The following PIK3C2G variants were observed in gnomAD, a reference collection of about 807,000 sequenced individuals.
The protein encoded by PIK3C2G is phosphatidylinositol 3-kinase C2 domain-containing subunit gamma.
Under a neutral mutation model 181.1 loss-of-function variants are expected in PIK3C2G, and 168 were observed. The observed-to-expected ratio is 0.93, with a 90% CI of 0.82 to 1.05. PIK3C2G has a LOEUF of 1.05. Ranked by LOEUF, PIK3C2G falls within the 50% of genes least tolerant of loss-of-function variation. The probability of loss-of-function intolerance (pLI) is 0.00; values close to 1 mark genes in which losing one functional copy is unlikely to be tolerated. For synonymous variants in PIK3C2G, 573 were observed against 592.2 expected (o/e 0.97, Z 0.47); for missense variants, 1,869 against 1,732.8 (o/e 1.08, Z -1.40).
upstream of PIK3C2G, among the ~76,000 whole-genome samples, chr12:18,243,795 G>C (rs746191132): frequency 1.3e-5 from 2 of 151,832 alleles, no homozygotes; most frequent in African/African-American, 4.8e-5. Flanking sequence ...CACTGGATTT[G>C]CTACTTTAAT....
chr12:18,595,766 T>A (rs1268146889), intron 30 of PIK3C2G, among the ~76,000 whole-genome samples: 4 of 152,120 alleles, frequency 2.6e-5, no homozygotes, highest in Non-Finnish European at 5.9e-5. Context: ...TGCCACTGTC[T>A]TGAAATTCTT....
At chr12:18,405,975 T>C (rs55920514) in intron 16 of PIK3C2G, among the ~76,000 whole-genome samples, 16,454 of 152,070 alleles carry the variant, frequency 0.11, 1,205 homozygotes, top group Admixed American at 0.25. Flanking sequence ...ATCACAGAAA[T>C]TTACTCCTCC....
chr12:18,349,210 C>T (rs1269418991), intron 11 of PIK3C2G, among the ~76,000 whole-genome samples: 5 of 152,086 alleles, frequency 3.3e-5, no homozygotes, highest in Non-Finnish European at 5.9e-5. Context: ...TACAAGGGTT[C>T]GCATACCAGG....
chr12:18,725,332 G>T, the PIK3C2G span, among the ~76,000 whole-genome samples: 1 of 152,060 alleles, frequency 6.6e-6, no homozygotes, highest in Non-Finnish European at 1.5e-5. Context: ...TTTGAGTGCT[G>T]AGGCACGTGA....
At chr12:18,573,603 A>G (rs915656428) in intron 29 of PIK3C2G, among the ~76,000 whole-genome samples, 1 of 152,176 alleles carries the variant, frequency 6.6e-6, no homozygotes, top group Non-Finnish European at 1.5e-5. Flanking sequence ...GCTGTCTAAC[A>G]CTTTCCAGCA....
upstream of PIK3C2G, among the ~76,000 whole-genome samples, chr12:18,260,995 A>T (rs1948217297): frequency 6.6e-6 from 1 of 152,116 alleles, no homozygotes; most frequent in Non-Finnish European, 1.5e-5. Flanking sequence ...TTTACTATGC[A>T]TCCTAAGGCT....
At chr12:18,466,581 A>G (rs555728671) in intron 18 of PIK3C2G, among the ~76,000 whole-genome samples, 1 of 151,934 alleles carries the variant, frequency 6.6e-6, no homozygotes, top group Non-Finnish European at 1.5e-5. Context: ...AACATTTGTT[A>G]CACATTTAAT....
chr12:18,261,844 T>TTC (rs1046918063), intron 1 of PIK3C2G, among the ~76,000 whole-genome samples: 4 of 151,910 alleles, frequency 2.6e-5, no homozygotes, highest in African/African-American at 4.8e-5. Flanking sequence ...GCCTCTTTCT[T>TTC]TCTCTCTCTC....
At chr12:18,622,811 G>A (rs1264553376) in intron 31 of PIK3C2G, among the ~76,000 whole-genome samples, 2 of 151,696 alleles carry the variant, frequency 1.3e-5, no homozygotes, top group Admixed American at 6.6e-5. Flanking sequence ...GTGATGTTGA[G>A]CATTTTTTTC....
intron 7 of PIK3C2G, among the ~76,000 whole-genome samples, chr12:18,322,614 C>T (rs1440648911): frequency 6.6e-6 from 1 of 152,048 alleles, no homozygotes; most frequent in East Asian, 1.9e-4. Context: ...CTAAATAATT[C>T]ACCTAAGGCC....
At chr12:18,688,177 A>G in the PIK3C2G span, 1 of 1,611,206 alleles carries the variant, frequency 6.2e-7, no homozygotes, top group Admixed American at 1.7e-5. Context: ...CACCTTTGTT[A>G]GATGATGAAT....
intron 18 of PIK3C2G, among the ~76,000 whole-genome samples, 184 bp from the exon 19 acceptor site, chr12:18,488,250 CACTCTTGGAATCTCA>C (rs1455467537): frequency 6.6e-6 from 1 of 152,094 alleles, no homozygotes; most frequent in Non-Finnish European, 1.5e-5. Context: ...ATTGATTCTT[CACTCTTGGAATCTCA>C]TTAACTATCA....
intron 24 of PIK3C2G, among the ~76,000 whole-genome samples, chr12:18,506,107 A>G (rs960807315): frequency 1.3e-5 from 2 of 152,224 alleles, no homozygotes; most frequent in African/African-American, 4.8e-5. Context: ...CTCGGAAGAC[A>G]TGACAAAGAG....
the PIK3C2G span, chr12:18,683,245 G>A: frequency 6.2e-7 from 1 of 1,612,198 alleles, no homozygotes. Flanking sequence ...GCTGTTATCT[G>A]ACGTACCAAA....
chr12:18,480,993 C>T (rs777525142), intron 18 of PIK3C2G, among the ~76,000 whole-genome samples: 84 of 152,002 alleles, frequency 5.5e-4, no homozygotes, highest in Non-Finnish European at 9.3e-4. Context: ...AGTGCAGTGG[C>T]GCAATCTCGG....
chr12:18,689,278 G>GA, the PIK3C2G span, among the ~76,000 whole-genome samples: 15 of 148,906 alleles, frequency 1.0e-4, no homozygotes, highest in African/African-American at 2.2e-4. Context: ...ATTCCAGAAA[G>GA]AAAAAAAAAA....
At chr12:18,376,235 T>C (rs1386784091) in intron 13 of PIK3C2G, among the ~76,000 whole-genome samples, 1 of 152,086 alleles carries the variant, frequency 6.6e-6, no homozygotes, top group African/African-American at 2.4e-5. Context: ...CTGAGCAAGG[T>C]CTTGGGAGCC....
chr12:18,328,594 C>A (rs1024473003), intron 8 of PIK3C2G, among the ~76,000 whole-genome samples: 4 of 151,806 alleles, frequency 2.6e-5, no homozygotes, highest in Non-Finnish European at 5.9e-5. Context: ...ATAAGTCAAC[C>A]CTCCACCACT....
the PIK3C2G span, among the ~76,000 whole-genome samples, chr12:18,700,359 A>G: frequency 6.6e-6 from 1 of 151,776 alleles, no homozygotes; most frequent in Non-Finnish European, 1.5e-5. Flanking sequence ...CTTTTTAGCC[A>G]TTTCCCAAGT....
Sources: gnomAD v4.1 joint callset for allele counts (sites outside exome capture counted in the v4.1 genomes callset) on GRCh38, gnomAD v4.1.1 for gene constraint, MANE v1.5 for transcripts, NCBI Gene and HGNC (gene_info 2026-07-23, HGNC 2026-07-21) for gene names.